Variants in CPLANE1 observed in about 807,000 individuals in gnomAD.
CPLANE1 encodes ciliogenesis and planar polarity effector complex subunit 1.
A neutral mutation model predicts 362.5 loss-of-function variants in CPLANE1; 263 were observed. The ratio of observed to expected loss-of-function variants is 0.73; its 90% confidence interval spans 0.66 to 0.80. The LOEUF (loss-of-function observed/expected upper bound fraction) is 0.80, where lower values mean the gene tolerates loss of function less well. Ranked by LOEUF, CPLANE1 falls within the 30% of genes least tolerant of loss-of-function variation. The pLI is 0.00. For missense variants in CPLANE1, 3,461 were observed against 3,793.4 expected (o/e 0.91, Z 2.30); for synonymous variants, 1,212 against 1,302.6 (o/e 0.93, Z 1.50).
chr5:37,213,827 T>G, intron 15 of CPLANE1, 95 bp from the exon 16 acceptor site: 275 of 893,240 alleles, frequency 3.1e-4, no homozygotes, highest in Non-Finnish European at 3.9e-4. Context: ...AAAATTGCAA[T>G]ACCTTTTTTT....
chr5:37,217,130 T>A (rs1348510265), intron 15 of CPLANE1, among the ~76,000 whole-genome samples: 1 of 152,094 alleles, frequency 6.6e-6, no homozygotes, highest in Admixed American at 6.5e-5. Context: ...TGGGTAAAAA[T>A]TTTTTTCTCC....
chr5:37,168,568 G>A (rs981840014), intron 34 of CPLANE1, among the ~76,000 whole-genome samples: 7 of 152,042 alleles, frequency 4.6e-5, no homozygotes, highest in African/African-American at 1.7e-4. Flanking sequence ...AACTCCTGGG[G>A]ATCAAGGGAT....
chr5:37,093,261 C>A, the CPLANE1 span, among the ~76,000 whole-genome samples: 1 of 152,038 alleles, frequency 6.6e-6, no homozygotes, highest in African/African-American at 2.4e-5. Context: ...GGGTATAGAT[C>A]AAAAAATTCT....
chr5:37,158,007 G>A (rs1775670016), intron 39 of CPLANE1, 139 bp from the exon 40 acceptor site: 3 of 730,946 alleles, frequency 4.1e-6, no homozygotes, highest in Non-Finnish European at 6.4e-6. Context: ...GGGCCTGAAT[G>A]TGCCTAACTT....
chr5:37,086,314 C>G, the CPLANE1 span, among the ~76,000 whole-genome samples: 1 of 152,174 alleles, frequency 6.6e-6, no homozygotes, highest in Non-Finnish European at 1.5e-5. Flanking sequence ...CAAAACGAGC[C>G]TCAATAAATT....
chr5:37,106,619 T>C lies in CPLANE1; in HGVS notation c.*983A>G. On this transcript the variant is annotated 3_prime_UTR_variant, in exon 53 of 53. Transcript: ENST00000651892. ...AACAATTTGGTAAGGAGAGTAGCATTGTTTTATAGTTCTACAAATCTCTTT... is the reference window on the plus strand; with the variant it reads ...AACAATTTGGTAAGGAGAGTAGCATCGTTTTATAGTTCTACAAATCTCTTT... 2.7e-6 allele frequency: 1 copy of C among 377,068 alleles called. No individual in the cohort carries two copies. Among genetic ancestry groups the C allele is most frequent in the Non-Finnish European group, 3.7e-6 (1 of 273,930 alleles). 23.4% of individuals were successfully genotyped at this position (377,068 alleles called of 1,614,324 possible).
chr5:37,126,080 A>C (rs1055452590), intron 46 of CPLANE1, among the ~76,000 whole-genome samples: 1 of 152,110 alleles, frequency 6.6e-6, no homozygotes, highest in African/African-American at 2.4e-5. Context: ...TCTATTAAAA[A>C]AAAAATTAGC....
intron 8 of CPLANE1, among the ~76,000 whole-genome samples, chr5:37,234,700 C>G (rs1420912344): frequency 6.6e-6 from 1 of 152,016 alleles, no homozygotes; most frequent in Non-Finnish European, 1.5e-5. Context: ...GCCCAGTGAT[C>G]CCCATGCAAA....
At chr5:37,233,695 G>A (rs1489547905) in intron 8 of CPLANE1, among the ~76,000 whole-genome samples, 1 of 151,804 alleles carries the variant, frequency 6.6e-6, no homozygotes, top group Admixed American at 6.6e-5. Context: ...AGATACCCAG[G>A]GGCCTGAGAA....
intron 21 of CPLANE1, among the ~76,000 whole-genome samples, chr5:37,194,510 C>A (rs764772672): frequency 3.2e-4 from 49 of 151,984 alleles, no homozygotes; most frequent in African/African-American, 1.2e-3. Flanking sequence ...CCTTTTGTTA[C>A]GTGAATGAAG....
Position 37,215,992 on chromosome 5 carries a change from C to A in CPLANE1, c.2747-2260G>T, listed in dbSNP as rs138540867. 2.8e-4 allele frequency among the ~76,000 whole-genome samples: 43 copies of A among 151,862 alleles called. No individual in the cohort carries two copies. In the East Asian group the frequency reaches 8.2e-3, roughly 29 times the overall value. The stretch of plus-strand genomic sequence containing the variant: ...GACTATAGGCACACGCCACCTTGAC[C>A]GGCTAATTTTTTTTGTATTTTTTTG... On this transcript the variant is annotated intron_variant, in intron 15 of 52. Transcript: ENST00000651892.
chr5:37,148,949 G>A (rs1360784279), intron 42 of CPLANE1, among the ~76,000 whole-genome samples: 1 of 152,090 alleles, frequency 6.6e-6, no homozygotes, highest in Non-Finnish European at 1.5e-5. Context: ...TACTCAGGAG[G>A]CAAAGGCAGG....
At chr5:37,090,152 AC>A in the CPLANE1 span, among the ~76,000 whole-genome samples, 1 of 152,142 alleles carries the variant, frequency 6.6e-6, no homozygotes, top group Non-Finnish European at 1.5e-5. Flanking sequence ...CAGATATTTA[AC>A]CCCTGCAGCA....
Position 37,224,323 on chromosome 5 carries a change from A to G in CPLANE1, c.2511T>C (p.Cys837=). ...ACTTTTCATATGATCCTAATAAAAA[A>G]CATTCTTCCCCTAGAAAGTTTTTAA... ...LELKSINGEE[C]FLLGSYEKSV... The change falls in exon 14 of 53, where the codon TGT becomes TGC. Residue 837 remains cysteine, a synonymous_variant. Coordinates refer to ENST00000651892, the MANE Select transcript of CPLANE1 (RefSeq NM_001384732.1). 1.3e-6 allele frequency: 2 copies of G among 1,545,998 alleles called. No homozygotes were observed. The highest frequency in any genetic ancestry group is 1.4e-5 in the African/African-American group (1 of 72,936).
chr5:37,134,794 C>CT (rs372028750), intron 46 of CPLANE1, among the ~76,000 whole-genome samples: 7,289 of 133,054 alleles, frequency 0.055, 234 homozygotes, highest in Admixed American at 0.092. Context: ...AAACTTTCCA[C>CT]TTTTTTTTTT....
intron 8 of CPLANE1, among the ~76,000 whole-genome samples, chr5:37,232,948 T>G (rs1798079506): frequency 6.6e-6 from 1 of 151,084 alleles, no homozygotes; most frequent in South Asian, 2.1e-4. Context: ...GTCCACTTAC[T>G]ATTAAGTAGT....
rs1247222385 is a variant in CPLANE1 at position 37,157,400 on chromosome 5, C to A, written c.8032G>T (p.Asp2678Tyr). The A allele has an allele frequency of 1.4e-6, 2 of 1,444,966 alleles. No homozygotes were observed. Among genetic ancestry groups the A allele is most frequent in the Admixed American group, 3.6e-5 (2 of 55,424 alleles). 89.5% of individuals were successfully genotyped at this position (1,444,966 alleles called of 1,614,324 possible). A position where few individuals can be genotyped will look rare whatever the true frequency, so the allele number is the denominator to read the frequency against. ...KSQEVTPACLDGKSLRAGITE... is the reference protein window; with the variant it reads ...KSQEVTPACLYGKSLRAGITE... The stretch of plus-strand genomic sequence containing the variant: ...ATGCCTGCTCTCAAGCTTTTTCCAT[C>A]CAGACAAGCTGGAGTTACTTCTGCA... The change falls in exon 41 of 53, where the codon GAT (aspartate) becomes TAT (tyrosine). Residue 2678 changes from aspartate (D) to tyrosine (Y), a missense_variant. Around this residue, in one of 2 missense-constraint regions of CPLANE1, gnomAD observed 3,380 missense variants for 3,666.1 expected, o/e 0.92. Transcript: ENST00000651892.
At chr5:37,234,731 A>G (rs2150583725) in intron 8 of CPLANE1, among the ~76,000 whole-genome samples, 1 of 152,306 alleles carries the variant, frequency 6.6e-6, no homozygotes, top group Non-Finnish European at 1.5e-5. Context: ...AAAGGACTCC[A>G]CCAGCGGCTA....
chr5:37,234,261 C>T (rs1353689301), intron 8 of CPLANE1, among the ~76,000 whole-genome samples: 2 of 151,250 alleles, frequency 1.3e-5, no homozygotes, highest in Non-Finnish European at 2.9e-5. Flanking sequence ...CCCAAAATGC[C>T]AGAGAAATAA....
Sources: gnomAD v4.1 joint callset for allele counts (sites outside exome capture counted in the v4.1 genomes callset) on GRCh38, gnomAD v4.1.1 for gene constraint, gnomAD v4.1.1 regional missense constraint, MANE v1.5 for transcripts, NCBI Gene and HGNC (gene_info 2026-07-23, HGNC 2026-07-21) for gene names.